Variants in ZNF385B observed in about 807,000 individuals in gnomAD.
ZNF385B encodes zinc finger protein 385B, also known as zinc finger protein 533.
A neutral mutation model predicts 39.2 loss-of-function variants in ZNF385B; 23 were observed. That is an observed-to-expected ratio of 0.59 (90% CI 0.42 to 0.83). The LOEUF (loss-of-function observed/expected upper bound fraction) is 0.83, where lower values mean the gene tolerates loss of function less well. Among genes scored for constraint, ZNF385B ranks in the 40% least tolerant of loss-of-function variants. ZNF385B has a pLI of 0.00. For synonymous variants in ZNF385B, 205 were observed against 222.6 expected (o/e 0.92, Z 0.70); for missense variants, 552 against 598.9 (o/e 0.92, Z 0.82).
intron 6 of ZNF385B, among the ~76,000 whole-genome samples, chr2:179,459,657 A>G (rs1015580059): frequency 6.6e-6 from 1 of 151,500 alleles, no homozygotes; most frequent in Non-Finnish European, 1.5e-5. Context: ...ATTTTAATTA[A>G]TTTAAATGTA....
At chr2:179,476,016 C>CAA (rs34327373) in intron 6 of ZNF385B, among the ~76,000 whole-genome samples, 156 of 56,632 alleles carry the variant, frequency 2.8e-3, no homozygotes, top group Non-Finnish European at 3.1e-3. Flanking sequence ...GCCTCTGTCT[C>CAA]AAAAAAAAAA....
At chr2:179,462,700 T>C (rs1259042226) in intron 6 of ZNF385B, among the ~76,000 whole-genome samples, 1 of 152,148 alleles carries the variant, frequency 6.6e-6, no homozygotes, top group Non-Finnish European at 1.5e-5. Flanking sequence ...ACTATATTGT[T>C]AGATGCACAA....
chr2:179,451,080 T>G (rs1369775853), intron 6 of ZNF385B, among the ~76,000 whole-genome samples: 1 of 115,316 alleles, frequency 8.7e-6, no homozygotes, highest in Non-Finnish European at 1.6e-5. Flanking sequence ...AAGGGGAACA[T>G]CACACACTGG....
At chr2:179,528,755 AC>A (rs2059080339) in intron 4 of ZNF385B, among the ~76,000 whole-genome samples, 1 of 152,216 alleles carries the variant, frequency 6.6e-6, no homozygotes, top group Non-Finnish European at 1.5e-5. Context: ...AGGCCTGGGT[AC>A]CTGACTGGAG....
At chr2:179,685,535 T>A (rs1225021542) in intron 3 of ZNF385B, among the ~76,000 whole-genome samples, 1 of 152,158 alleles carries the variant, frequency 6.6e-6, no homozygotes, top group Non-Finnish European at 1.5e-5. Context: ...AGTTATATAA[T>A]CATTAGGAAG....
chr2:179,595,897 T>C (rs554688563), intron 3 of ZNF385B, among the ~76,000 whole-genome samples: 1 of 151,856 alleles, frequency 6.6e-6, no homozygotes, highest in African/African-American at 2.4e-5. Flanking sequence ...TCCAGGAATA[T>C]GTGCATTTAT....
intron 3 of ZNF385B, among the ~76,000 whole-genome samples, chr2:179,714,887 T>C (rs1451818473): frequency 1.6e-5 from 2 of 128,630 alleles, no homozygotes; most frequent in Non-Finnish European, 3.1e-5. Flanking sequence ...GAGGTTGCTG[T>C]GGGCTGAACA....
At chr2:179,538,299 C>T (rs576057412) in intron 4 of ZNF385B, among the ~76,000 whole-genome samples, 107 of 152,084 alleles carry the variant, frequency 7.0e-4, no homozygotes, top group African/African-American at 2.4e-3. Context: ...GAGAAAAATA[C>T]ATATTCATAT....
chr2:179,619,691 C>G (rs188580144), intron 3 of ZNF385B, among the ~76,000 whole-genome samples: 1 of 152,148 alleles, frequency 6.6e-6, no homozygotes, highest in Non-Finnish European at 1.5e-5. Flanking sequence ...TTATGGGGAA[C>G]GAGGCATGTT....
chr2:179,697,570 G>A lies in ZNF385B; in HGVS notation c.298+71933C>T, dbSNP rs80278210. Among the ~76,000 whole-genome samples, 1,251 of 152,262 alleles carry A rather than the reference G, an allele frequency of 8.2e-3. 20 individuals carry two copies. Among genetic ancestry groups the A allele is most frequent in the African/African-American group, 0.029 (1,204 of 41,532 alleles). ...TCTCGGGCAGTTCTTATAGCAATGT[G>A]AGAATGGACTAATACAGTAAGCTAA... is the stretch of plus-strand genomic sequence containing the variant. On this transcript the variant is annotated intron_variant, in intron 3 of 9. Transcript: ENST00000410066.
intron 1 of ZNF385B, among the ~76,000 whole-genome samples, chr2:179,825,828 C>T (rs1351872318): frequency 3.3e-5 from 5 of 152,102 alleles, no homozygotes; most frequent in Admixed American, 1.3e-4. Context: ...ATGACAACAA[C>T]TCCTCCCTTC....
chr2:179,443,749 A>T (rs2049189879), intron 9 of ZNF385B, among the ~76,000 whole-genome samples: 1 of 152,188 alleles, frequency 6.6e-6, no homozygotes, highest in African/African-American at 2.4e-5. Context: ...CACCAGGAAA[A>T]AAAACATGCC....
chr2:179,612,732 C>T (rs77462669), intron 3 of ZNF385B, among the ~76,000 whole-genome samples: 5,617 of 152,152 alleles, frequency 0.037, 327 homozygotes, highest in East Asian at 0.24. Flanking sequence ...CTGGCTATCA[C>T]CTATGTTTGC....
At chr2:179,802,020 A>C (rs1706065328) in intron 1 of ZNF385B, among the ~76,000 whole-genome samples, 1 of 152,152 alleles carries the variant, frequency 6.6e-6, no homozygotes, top group Non-Finnish European at 1.5e-5. Context: ...GCTATTTCTC[A>C]GTATTACCAG....
intron 3 of ZNF385B, among the ~76,000 whole-genome samples, chr2:179,561,496 C>A (rs2061333252): frequency 6.6e-6 from 1 of 151,922 alleles, no homozygotes; most frequent in Admixed American, 6.6e-5. Flanking sequence ...AATGCTCTTT[C>A]AATATTTTTC....
chr2:179,659,236 G>C (rs1466413017), intron 3 of ZNF385B, among the ~76,000 whole-genome samples: 1 of 152,072 alleles, frequency 6.6e-6, no homozygotes, highest in Admixed American at 6.5e-5. Flanking sequence ...TTATTAACTG[G>C]AAAATTCCTC....
intron 3 of ZNF385B, among the ~76,000 whole-genome samples, chr2:179,757,677 C>A (rs1053553410): frequency 8.5e-5 from 13 of 152,332 alleles, no homozygotes; most frequent in Admixed American, 3.9e-4. Flanking sequence ...GCCCCTCCCC[C>A]AGTCTTGCTG....
intron 3 of ZNF385B, among the ~76,000 whole-genome samples, chr2:179,702,677 A>G (rs1699297674): frequency 6.6e-6 from 1 of 152,214 alleles, no homozygotes; most frequent in Admixed American, 6.5e-5. Context: ...CAGTGACACC[A>G]CATAAACAAA....
chr2:179,845,293 A>C (rs1428762323), intron 1 of ZNF385B, among the ~76,000 whole-genome samples: 1 of 152,208 alleles, frequency 6.6e-6, no homozygotes, highest in Non-Finnish European at 1.5e-5. Flanking sequence ...CAATAAATTG[A>C]AGAAGGGTGA....
Sources: gnomAD v4.1 joint callset for allele counts (sites outside exome capture counted in the v4.1 genomes callset) on GRCh38, gnomAD v4.1.1 for gene constraint, MANE v1.5 for transcripts, NCBI Gene and HGNC (gene_info 2026-07-23, HGNC 2026-07-21) for gene names.